Variants in KMT2A observed in about 807,000 individuals in gnomAD.
The protein encoded by KMT2A is lysine methyltransferase 2A.
A neutral mutation model predicts 345.3 loss-of-function variants in KMT2A; 16 were observed. The observed-to-expected ratio is 0.05, with a 90% CI of 0.03 to 0.07. KMT2A has a LOEUF of 0.07. Among genes scored for constraint, KMT2A ranks in the 10% least tolerant of loss-of-function variants. KMT2A has a pLI of 1.00. For synonymous variants in KMT2A, 1,599 were observed against 1,778.6 expected, an observed-to-expected ratio of 0.90 and a Z score of 2.54; for missense variants, 3,272 against 4,841.6, an observed-to-expected ratio of 0.68 and a Z score of 9.62.
chr11:118,471,542 C>T (rs1949942485), intron 2 of KMT2A, 120 bp from the exon 3 acceptor site: 3 of 542,774 alleles, frequency 5.5e-6, no homozygotes, highest in Non-Finnish European at 9.2e-6. Flanking sequence ...GTTTGATTGA[C>T]TCATTAGACT....
chr11:118,486,012 G>A (rs1950222559), intron 10 of KMT2A, among the ~76,000 whole-genome samples: 1 of 152,236 alleles, frequency 6.6e-6, no homozygotes, highest in African/African-American at 2.4e-5. Flanking sequence ...GAACCCGGGA[G>A]GTGGAGCTTG....
chr11:118,472,080 A>G lies in KMT2A; in HGVS notation c.921A>G (p.Pro307=). The G allele has an allele frequency of 6.2e-7, 1 of 1,613,850 alleles. No individual in the cohort carries two copies. The highest frequency in any genetic ancestry group is 8.5e-7 in the Non-Finnish European group (1 of 1,179,974). Reference sequence around the variant, plus strand: ...TTGTACGACGGAGAGGAAGGCCTCCATCAACAGAAAGGATAAAGACCCCTT... The same window carrying G: ...TTGTACGACGGAGAGGAAGGCCTCCGTCAACAGAAAGGATAAAGACCCCTT... ...VQIVRRRGRP[P]STERIKTPSG... Residue 307 remains proline, a synonymous_variant, in exon 3 of 36, where the codon CCA becomes CCG. Transcript: ENST00000534358.
In KMT2A at chr11:118,491,777, A is replaced by G. The variant is rs1950328184; in HGVS notation, c.4853A>G (p.Glu1618Gly). 6.2e-7 allele frequency: 1 copy of G among 1,611,150 alleles called. No individual in the cohort carries two copies. The highest frequency in any genetic ancestry group is 1.3e-5 in the African/African-American group (1 of 74,858). ...EMYEILSNLPESVAYTCVNCT... is the reference protein window; with the variant it reads ...EMYEILSNLPGSVAYTCVNCT... ...TATGAGATTCTATCTAATCTGCCAG[A>G]AAGTGTGGCCTACACTTGTGTGAAC... Residue 1618 changes from glutamate (E) to glycine (G), a missense_variant, in exon 15 of 36, where the codon GAA (glutamate) becomes GGA (glycine). Physicochemically the swap from Glu to Gly is moderately conservative, Grantham distance 98 (BLOSUM62 -2). This residue lies in a region of KMT2A where 120 missense variants were observed against 280.4 expected (regional missense o/e 0.43). Transcript: ENST00000534358. The surrounding 1 kb of genome is among the most constrained non-coding windows in gnomAD (Gnocchi z 4.2).
In KMT2A at chr11:118,471,857, T is replaced by G. The variant is rs1555035598; in HGVS notation, c.698T>G (p.Ile233Ser). ...GRPPTFPGVK[I>S]KITHGKDISE... ...CCTCCCACCTTCCCTGGAGTAAAAATCAAAATAACACATGGAAAGGACATT... is the reference window on the plus strand; with the variant it reads ...CCTCCCACCTTCCCTGGAGTAAAAAGCAAAATAACACATGGAAAGGACATT... Residue 233 changes from isoleucine to serine, a missense_variant, in exon 3 of 36, where the codon ATC becomes AGC. Ile to Ser is a moderately radical substitution (Grantham distance 142). This residue lies in a region of KMT2A where 412 missense variants were observed against 511.0 expected (regional missense o/e 0.81). Transcript: ENST00000534358. The G allele has an allele frequency of 6.2e-7, 1 of 1,611,234 alleles. No homozygotes were observed. The highest frequency in any genetic ancestry group is 1.3e-5 in the African/African-American group (1 of 74,326).
rs1950524683 is a variant in KMT2A, at chr11:118,502,972, G to A, written c.7080G>A (p.Val2360=). 2 of 1,614,074 alleles carry A rather than the reference G, an allele frequency of 1.2e-6. No homozygotes were observed. Among genetic ancestry groups the A allele is most frequent in the East Asian group, 4.5e-5 (2 of 44,884 alleles). ...GCTCCTTTGCTGAACCCTCTTCAGT[G>A]TCGTTTTCTTCTAAAGAGGCCCTCT... The part of the protein sequence containing the change: ...KIGSFAEPSS[V]SFSSKEALSF... Residue 2360 remains valine, a synonymous_variant, in exon 27 of 36, where the codon GTG becomes GTA. Coordinates refer to ENST00000534358, the MANE Select transcript of KMT2A (RefSeq NM_001197104.2). The surrounding 1 kb of genome is among the most constrained non-coding windows in gnomAD (Gnocchi z 4.9).
intron 1 of KMT2A, among the ~76,000 whole-genome samples, chr11:118,447,232 T>C (rs916852681): frequency 6.6e-6 from 1 of 152,366 alleles, no homozygotes; most frequent in Non-Finnish European, 1.5e-5. Context: ...TGTGTCTGTC[T>C]TTGTCCCATT....
chr11:118,483,059 C>G (rs1055203640), intron 8 of KMT2A, among the ~76,000 whole-genome samples: 1 of 151,464 alleles, frequency 6.6e-6, no homozygotes, highest in African/African-American at 2.4e-5. Context: ...ATGGTGAAAC[C>G]CTGTCTCTAC....
At chr11:118,488,546 G>C in intron 10 of KMT2A, 68 bp from the exon 11 acceptor site, 1 of 1,535,210 alleles carries the variant, frequency 6.5e-7, no homozygotes, top group South Asian at 1.1e-5. Context: ...ATATAAGAAG[G>C]GTATGGTTGA....
chr11:118,477,354 G>C (rs1340201580), intron 4 of KMT2A, among the ~76,000 whole-genome samples: 2 of 152,084 alleles, frequency 1.3e-5, no homozygotes, highest in Non-Finnish European at 2.9e-5. Flanking sequence ...CTGTCATATA[G>C]TTCTTAAGTG....
At chr11:118,488,828 AC>A in intron 11 of KMT2A, 68 bp downstream of exon 11, 5 of 1,470,128 alleles carry the variant, frequency 3.4e-6, no homozygotes, top group Non-Finnish European at 4.7e-6. Flanking sequence ...CCTGGACTCA[AC>A]CAACCTTGGA....
At chr11:118,450,088 ATGCTTAACT>A (rs1949503627) in intron 1 of KMT2A, 5 of 152,226 alleles carry the variant, frequency 3.3e-5, no homozygotes, top group Non-Finnish European at 5.9e-5. Flanking sequence ...TGTGATTGTG[ATGCTTAACT>A]TAATTTTCTA....
In KMT2A at chr11:118,507,581, T is replaced by G. The variant is rs1435401323; in HGVS notation, c.10807T>G (p.Ser3603Ala). 1.2e-6 allele frequency: 2 copies of G among 1,614,048 alleles called. No homozygotes were observed. Among genetic ancestry groups the G allele is most frequent in the Non-Finnish European group, 1.7e-6 (2 of 1,180,008 alleles). ...GGATACAGCTAGCGTGGAGCAGTCCTCCCAGAAGGAGTGTGGGCAACCTGC... is the reference window on the plus strand; with the variant it reads ...GGATACAGCTAGCGTGGAGCAGTCCGCCCAGAAGGAGTGTGGGCAACCTGC... Reference protein sequence around the residue: ...QQDTASVEQSSQKECGQPAGQ... With the variant: ...QQDTASVEQSAQKECGQPAGQ... The change falls in exon 28 of 36, where the codon TCC becomes GCC. Residue 3603 changes from serine to alanine, a missense_variant. Coordinates refer to ENST00000534358, the MANE Select transcript of KMT2A (RefSeq NM_001197104.2).
At chr11:118,507,030 C>T (rs1282897924) in intron 27 of KMT2A, among the ~76,000 whole-genome samples, 1 of 152,216 alleles carries the variant, frequency 6.6e-6, no homozygotes, top group Non-Finnish European at 1.5e-5. Flanking sequence ...AGCACAGTGG[C>T]TCATGTCTGT....
At chr11:118,458,054 AT>A (rs200074613) in intron 1 of KMT2A, 788 of 266,840 alleles carry the variant, frequency 3.0e-3, no homozygotes, top group South Asian at 5.1e-3. Context: ...CTCCCTATGC[AT>A]TTTTTTTTGA....
At chr11:118,455,664 A>T (rs1168174363) in intron 1 of KMT2A, among the ~76,000 whole-genome samples, 1 of 149,048 alleles carries the variant, frequency 6.7e-6, no homozygotes, top group Non-Finnish European at 1.5e-5. Context: ...GCCCCTTATT[A>T]TTATTATTTT....
chr11:118,494,585 G>C lies in KMT2A; in HGVS notation c.5290-109G>C. ...GCCAGAGTGGATGGATCTTTCTCTT[G>C]GTGGCCTGAAATTATCCTCGTATTA... On this transcript the variant is annotated intron_variant, in intron 17 of 35. Coordinates refer to ENST00000534358, the MANE Select transcript of KMT2A (RefSeq NM_001197104.2). This position sits in a 1 kb window ranked among gnomAD's most constrained non-coding sequence, Gnocchi z 5.8. The C allele has an allele frequency of 9.9e-7, 1 of 1,014,996 alleles. No individual in the cohort carries two copies. The highest frequency in any genetic ancestry group is 1.6e-5 in the African/African-American group (1 of 61,534). 62.9% of individuals were successfully genotyped at this position (1,014,996 alleles called of 1,614,324 possible). A position where few individuals can be genotyped will look rare whatever the true frequency, so the allele number is the denominator to read the frequency against.
Position 118,436,568 on chromosome 11 carries a change from G to T in KMT2A, c.56G>T (p.Gly19Val). 1 of 1,199,722 alleles carries T rather than the reference G, an allele frequency of 8.3e-7. No individual in the cohort carries two copies. The highest frequency in any genetic ancestry group is 1.0e-6 in the Non-Finnish European group (1 of 956,014). 74.3% of individuals were successfully genotyped at this position (1,199,722 alleles called of 1,614,324 possible). ...FPARPGTTGG[G>V]GGGGRRGLGG... is the part of the protein sequence containing the mutation. ...GCCCGACCCGGGACCACCGGGGGCG[G>T]CGGCGGCGGGGGGCGCCGGGGCCTA... The change falls in exon 1 of 36, where the codon GGC (glycine) becomes GTC (valine). Residue 19 changes from glycine (G) to valine (V), a missense_variant. By Grantham distance (109) the Gly-to-Val change is moderately radical (BLOSUM62 -3). Transcript: ENST00000534358. The surrounding 1 kb of genome is among the most constrained non-coding windows in gnomAD (Gnocchi z 6.9).
chr11:118,514,269 C>A (rs782766701), intron 31 of KMT2A, among the ~76,000 whole-genome samples: 9 of 152,140 alleles, frequency 5.9e-5, no homozygotes, highest in Non-Finnish European at 1.0e-4. Context: ...CGCTGAGTAG[C>A]GACCCAGCCC....
chr11:118,508,924 G>A (rs1315194057), intron 28 of KMT2A, among the ~76,000 whole-genome samples: 1 of 152,156 alleles, frequency 6.6e-6, no homozygotes, highest in Non-Finnish European at 1.5e-5. Flanking sequence ...CTTAATGTCA[G>A]TATTTGGTAA....
Sources: gnomAD v4.1 joint callset for allele counts (sites outside exome capture counted in the v4.1 genomes callset) on GRCh38, gnomAD v4.1.1 for gene constraint, gnomAD v4.1.1 regional missense constraint, Gnocchi (gnomAD v3.1) non-coding constraint, MANE v1.5 for transcripts, NCBI Gene and HGNC (gene_info 2026-07-23, HGNC 2026-07-21) for gene names.